LRBA: variants seen among roughly 807,000 people sequenced by gnomAD.
The protein encoded by LRBA is LPS responsive beige-like anchor protein.
LRBA carries 176 observed loss-of-function variants against 330.0 expected under a neutral mutation model. The observed-to-expected ratio is 0.53, with a 90% CI of 0.47 to 0.60. LRBA has a LOEUF of 0.60. Ranked by LOEUF, LRBA falls within the 20% of genes least tolerant of loss-of-function variation. The pLI, the probability that LRBA is intolerant of heterozygous loss-of-function variation, is 0.00. For synonymous variants in LRBA, 1,230 were observed against 1,193.0 expected (o/e 1.03, Z -0.64); for missense variants, 3,259 against 3,444.8 (o/e 0.95, Z 1.35).
Position 150,415,526 on chromosome 4 carries a change from C to T in LRBA, c.7106G>A (p.Gly2369Glu). 6.2e-7 allele frequency: 1 copy of T among 1,603,172 alleles called. No individual in the cohort carries two copies. The highest frequency in any genetic ancestry group is 8.5e-7 in the Non-Finnish European group (1 of 1,170,246). ...CACTACTGTCCCATCATCCATCACTCCAAGATTATAATTATTGAAGTTGAC... is the reference window on the plus strand; with the variant it reads ...CACTACTGTCCCATCATCCATCACTTCAAGATTATAATTATTGAAGTTGAC... ...MFVNFNNYNL[G>E]VMDDGTVVSD... Residue 2369 changes from glycine to glutamate, a missense_variant, in exon 47 of 57, where the codon GGA becomes GAA. Coordinates refer to ENST00000651943, the MANE Select transcript of LRBA (RefSeq NM_001364905.1).
At chr4:150,288,510 A>C (rs1199718856) in intron 53 of LRBA, among the ~76,000 whole-genome samples, 1 of 151,986 alleles carries the variant, frequency 6.6e-6, no homozygotes, top group East Asian at 2.0e-4. Flanking sequence ...AATTGCTTGA[A>C]CCTGGGAGGT....
chr4:150,605,310 T>C (rs1774515880), intron 37 of LRBA, among the ~76,000 whole-genome samples: 1 of 152,184 alleles, frequency 6.6e-6, no homozygotes, highest in East Asian at 1.9e-4. Context: ...TAAAAGTATA[T>C]GAGTTTTAAA....
rs545325825 is a variant in LRBA, at chr4:150,437,035, A to G, written c.6781-171T>C. Among the ~76,000 whole-genome samples the G allele has an allele frequency of 6.6e-5, 10 of 152,288 alleles. No individual in the cohort carries two copies. In the East Asian group the frequency reaches 1.7e-3, roughly 26 times the overall value. On this transcript the variant is annotated intron_variant, in intron 44 of 56. Transcript: ENST00000651943. ...GGAGTAAAAAGCAATATTTTTTCCAACAAGTTAAACACAACATATAAGTAA... is the reference window on the plus strand; with the variant it reads ...GGAGTAAAAAGCAATATTTTTTCCAGCAAGTTAAACACAACATATAAGTAA...
At chr4:150,607,220 A>T (rs1437631255) in intron 37 of LRBA, among the ~76,000 whole-genome samples, 1 of 152,206 alleles carries the variant, frequency 6.6e-6, no homozygotes, top group Non-Finnish European at 1.5e-5. Context: ...CTACAGAGAC[A>T]GCATCAGGCT....
chr4:150,341,228 C>G (rs1024448162), intron 48 of LRBA, among the ~76,000 whole-genome samples: 5 of 152,160 alleles, frequency 3.3e-5, no homozygotes, highest in African/African-American at 1.2e-4. Context: ...GTGGTGTGAT[C>G]TGAACTCACT....
At chr4:150,550,214 T>A (rs796774338) in intron 40 of LRBA, among the ~76,000 whole-genome samples, 11 of 152,312 alleles carry the variant, frequency 7.2e-5, no homozygotes, top group African/African-American at 2.4e-4. Flanking sequence ...TCAAAAATAA[T>A]CTTTAATTGG....
chr4:150,988,242 G>A (rs1449894844), intron 2 of LRBA, among the ~76,000 whole-genome samples: 2 of 152,106 alleles, frequency 1.3e-5, no homozygotes, highest in African/African-American at 4.8e-5. Context: ...AAATAGAACA[G>A]TACAGGACAC....
At chr4:150,787,018 A>G (rs4696632) in intron 34 of LRBA, among the ~76,000 whole-genome samples, 133,095 of 152,210 alleles carry the variant, frequency 0.87, 58,592 homozygotes, top group Non-Finnish European at 0.94. Context: ...AATCACCTGA[A>G]GTAGAGAGTT....
chr4:150,668,952 A>G (rs1414961566), intron 37 of LRBA, among the ~76,000 whole-genome samples: 1 of 152,168 alleles, frequency 6.6e-6, no homozygotes, highest in Non-Finnish European at 1.5e-5. Flanking sequence ...CTGATAGGTG[A>G]GTAAAAGCCA....
chr4:151,004,743 T>G (rs970839495), intron 2 of LRBA, among the ~76,000 whole-genome samples: 5 of 151,816 alleles, frequency 3.3e-5, no homozygotes, highest in African/African-American at 1.2e-4. Flanking sequence ...CCTAGCACTT[T>G]GGGAGGCCGA....
At chr4:150,897,864 C>T in intron 14 of LRBA, 46 bp from the exon 15 acceptor site, 1 of 1,211,498 alleles carries the variant, frequency 8.3e-7, no homozygotes, top group Non-Finnish European at 1.2e-6. Context: ...TAAAGGACCT[C>T]AAAGCTGTCA....
intron 40 of LRBA, among the ~76,000 whole-genome samples, chr4:150,561,589 A>T (rs750934745): frequency 6.6e-6 from 1 of 152,156 alleles, no homozygotes; most frequent in Non-Finnish European, 1.5e-5. Flanking sequence ...TGAATTAAGG[A>T]AGGAAGCCAC....
intron 52 of LRBA, among the ~76,000 whole-genome samples, chr4:150,305,863 C>A (rs1005997680): frequency 6.6e-6 from 1 of 152,134 alleles, no homozygotes; most frequent in Non-Finnish European, 1.5e-5. Context: ...GAGGTTCACT[C>A]CTCCTAAATA....
At chr4:150,435,332 C>G (rs1281352389) in intron 46 of LRBA, among the ~76,000 whole-genome samples, 1 of 152,080 alleles carries the variant, frequency 6.6e-6, no homozygotes, top group African/African-American at 2.4e-5. Flanking sequence ...GCCTGAAGGA[C>G]AGAGCAAGAC....
chr4:150,893,061 T>C lies in LRBA; in HGVS notation c.2156A>G (p.Asn719Ser), dbSNP rs1219424675. Residue 719 changes from asparagine to serine, a missense_variant, in exon 17 of 57, where the codon AAT becomes AGT. By Grantham distance (46) the Asn-to-Ser change is conservative. Transcript: ENST00000651943. ...GATTAAAAACTCTTACCGTAACCCA[T>C]TCCTTTGGTCAAAAGCAGGAATCAT... ...NSMIPAFDQRNGLRVIYKLLA... is the reference protein window; with the variant it reads ...NSMIPAFDQRSGLRVIYKLLA... The C allele has an allele frequency of 6.2e-7, 1 of 1,606,394 alleles. No individual in the cohort carries two copies. The highest frequency in any genetic ancestry group is 1.3e-5 in the African/African-American group (1 of 74,712).
chr4:150,989,440 T>C (rs1347293979), intron 2 of LRBA, among the ~76,000 whole-genome samples: 2 of 151,312 alleles, frequency 1.3e-5, no homozygotes, highest in Non-Finnish European at 3.0e-5. Flanking sequence ...TGGTGAAACC[T>C]CGACTCTACT....
chr4:150,616,696 G>C (rs1346961840), intron 37 of LRBA, among the ~76,000 whole-genome samples: 1 of 152,142 alleles, frequency 6.6e-6, no homozygotes, highest in Non-Finnish European at 1.5e-5. Context: ...GAGAATAGGA[G>C]AAGAGAAACT....
rs535392615 is a variant in LRBA at position 150,300,379 on chromosome 4, T to G, written c.8017+2246A>C. ...ATTGTTTTTCTTTTCATTGCTAGCA[T>G]TACTAGGAGGTAATGTCCACCATAC... On this transcript the variant is annotated intron_variant, in intron 53 of 56. Transcript: ENST00000651943. Among the ~76,000 whole-genome samples the G allele has an allele frequency of 2.0e-5, 3 of 152,142 alleles. No homozygotes were observed. In the East Asian group the frequency reaches 5.8e-4, roughly 29 times the overall value.
chr4:150,685,483 T>C (rs1200033838), intron 36 of LRBA, among the ~76,000 whole-genome samples: 6 of 125,496 alleles, frequency 4.8e-5, no homozygotes, highest in Non-Finnish European at 9.6e-5. Flanking sequence ...CAGGCTGGAG[T>C]GCAGTGGCGT....
Sources: gnomAD v4.1 joint callset for allele counts (sites outside exome capture counted in the v4.1 genomes callset) on GRCh38, gnomAD v4.1.1 for gene constraint, MANE v1.5 for transcripts, NCBI Gene and HGNC (gene_info 2026-07-23, HGNC 2026-07-21) for gene names.